Variants in DUOX2 observed in about 807,000 individuals in gnomAD.
The protein encoded by DUOX2 is NADH/NADPH thyroid oxidase p138-tox.
DUOX2 carries 185 observed loss-of-function variants against 183.3 expected under a neutral mutation model. That is an observed-to-expected ratio of 1.01 (90% CI 0.90 to 1.14). The LOEUF (loss-of-function observed/expected upper bound fraction) is 1.14. Among genes scored for constraint, DUOX2 ranks in the 50% most tolerant of loss-of-function variants. The pLI is 0.00. For synonymous variants in DUOX2, 788 were observed against 812.4 expected (o/e 0.97, Z 0.51); for missense variants, 1,999 against 2,022.9 (o/e 0.99, Z 0.23).
chr15:45,106,757 C>T (rs1278425741), intron 15 of DUOX2, 75 bp downstream of exon 15: 50 of 1,603,798 alleles, frequency 3.1e-5, no homozygotes, highest in Non-Finnish European at 4.0e-5. Context: ...CAAACGGTAC[C>T]AAATAGCCAG....
intron 17 of DUOX2, 121 bp downstream of exon 17, chr15:45,106,004 G>T: frequency 3.6e-6 from 5 of 1,398,624 alleles, no homozygotes; most frequent in Non-Finnish European, 4.0e-6. Context: ...TCTGAAAGGA[G>T]CCCCTCTCCC....
rs1327682928 is a variant in DUOX2, at chr15:45,101,808, C to T, written c.2836G>A (p.Gly946Ser). ...ACACACTCACCATTTCCACCTCCAC[C>T]TCCACCTTTGACACAGAGCTGCGTG... ...RFTQLCVKGGGGGGNGIRDIF... is the reference protein window; with the variant it reads ...RFTQLCVKGGSGGGNGIRDIF... Residue 946 changes from glycine to serine, a missense_variant, in exon 21 of 34, where the codon GGT (glycine) becomes AGT (serine). Physicochemically the swap from Gly to Ser is moderately conservative, Grantham distance 56. This residue lies in a region of DUOX2 where 1,628 missense variants were observed against 1,608.6 expected (regional missense o/e 1.01). Transcript: ENST00000389039. The T allele has an allele frequency of 2.5e-6, 4 of 1,614,126 alleles. No homozygotes were observed. Among genetic ancestry groups the T allele is most frequent in the Admixed American group, 3.3e-5 (2 of 60,014 alleles).
rs758551466 is a variant in DUOX2, at chr15:45,107,414, C to A, written c.1624G>T (p.Asp542Tyr). Residue 542 changes from aspartate (D) to tyrosine (Y), a missense_variant, in exon 14 of 34, where the codon GAC (aspartate) becomes TAC (tyrosine). Asp to Tyr is a radical substitution (Grantham distance 160). This residue lies in a region of DUOX2 where 1,628 missense variants were observed against 1,608.6 expected (regional missense o/e 1.01). Transcript: ENST00000389039. Reference protein sequence around the residue: ...IEDIRNTTLRDVLVAVINIDP... With the variant: ...IEDIRNTTLRYVLVAVINIDP... Reference sequence around the variant, plus strand: ...ATGTTGATAACAGCGACCAGCACGTCCCGCAGGGTGGTATTTCGGATGTCT... The same window carrying A: ...ATGTTGATAACAGCGACCAGCACGTACCGCAGGGTGGTATTTCGGATGTCT... 3.1e-6 allele frequency: 5 copies of A among 1,614,112 alleles called. No homozygotes were observed. In the Middle Eastern group the frequency reaches 6.6e-4, roughly 212 times the overall value.
chr15:45,101,422 C>T, intron 21 of DUOX2, 148 bp from the exon 22 acceptor site: 1 of 763,456 alleles, frequency 1.3e-6, no homozygotes, highest in Non-Finnish European at 2.3e-6. Flanking sequence ...TAAGCACTCA[C>T]TGTACACAGG....
At chr15:45,100,441 C>A (rs1772789500) in intron 23 of DUOX2, 4 of 611,034 alleles carry the variant, frequency 6.5e-6, no homozygotes, top group Admixed American at 5.9e-5. Flanking sequence ...TGCTACTCCC[C>A]CTCCTCCTGT....
chr15:45,094,526 A>C (rs763478898), intron 33 of DUOX2, 37 bp downstream of exon 33: 6 of 1,593,744 alleles, frequency 3.8e-6, no homozygotes. Flanking sequence ...TGGCAGGAGA[A>C]GGCCAGAGTC....
intron 29 of DUOX2, 102 bp downstream of exon 29, chr15:45,097,136 G>T: frequency 6.4e-7 from 1 of 1,551,038 alleles, no homozygotes; most frequent in Non-Finnish European, 8.8e-7. Flanking sequence ...TGGAGACAGA[G>T]TCAGAGGCAG....
At chr15:45,104,813 A>G (rs1182458835) in intron 18 of DUOX2, among the ~76,000 whole-genome samples, 2 of 151,984 alleles carry the variant, frequency 1.3e-5, no homozygotes, top group Admixed American at 6.6e-5. Context: ...TGTAACAACC[A>G]TTTATTGTTT....
chr15:45,109,106 T>A, intron 11 of DUOX2, 154 bp from the exon 12 acceptor site: 1 of 990,888 alleles, frequency 1.0e-6, no homozygotes, highest in Non-Finnish European at 1.5e-6. Context: ...CTTGCCTTGC[T>A]GCAAGGCCAA....
intron 11 of DUOX2, 166 bp from the exon 12 acceptor site, chr15:45,109,118 G>A (rs1402293557): frequency 1.2e-6 from 1 of 856,672 alleles, no homozygotes; most frequent in South Asian, 1.5e-5. Context: ...CAAGGCCAAT[G>A]TCACCATGGG....
In DUOX2 at chr15:45,100,810, C is replaced by G. The variant is rs138358075; in HGVS notation, c.2950G>C (p.Ala984Pro). The change falls in exon 23 of 34, where the codon GCC becomes CCC. Residue 984 changes from alanine to proline, a missense_variant. Ala to Pro is a conservative substitution (Grantham distance 27). Transcript: ENST00000389039. ...CCTCCCAGCTCTGGGGCTTCTGGGG[C>G]AGGGGGCCCCAGTCCCTGGGGGTGG... ...RSHPQGLGPP[A>P]PEAPELGGPG... 5 of 1,613,932 alleles carry G rather than the reference C, an allele frequency of 3.1e-6. No homozygotes were observed. In the East Asian group the frequency reaches 1.1e-4, roughly 36 times the overall value.
Position 45,095,557 on chromosome 15 carries a change from C to T in DUOX2, c.4119G>A (p.Glu1373=). 6.2e-7 allele frequency: 1 copy of T among 1,614,238 alleles called. No homozygotes were observed. The highest frequency in any genetic ancestry group is 1.1e-5 in the South Asian group (1 of 91,076). ...ACACTGACACCTCAAATTTATGCCACTCCTGATGGCCCTCTCCAAACGGTC... is the reference window on the plus strand; with the variant it reads ...ACACTGACACCTCAAATTTATGCCATTCCTGATGGCCCTCTCCAAACGGTC... ...LDGPFGEGHQ[E]WHKFEVSVLV... The change falls in exon 31 of 34, where the codon GAG becomes GAA. Residue 1373 remains glutamate, a synonymous_variant. Transcript: ENST00000389039.
chr15:45,103,006 AAAG>A (rs1566974206), intron 20 of DUOX2, among the ~76,000 whole-genome samples: 1 of 152,028 alleles, frequency 6.6e-6, no homozygotes, highest in East Asian at 1.9e-4. Flanking sequence ...CAAACCAAAA[AAAG>A]AAGGTGGGAA....
intron 20 of DUOX2, among the ~76,000 whole-genome samples, chr15:45,103,043 C>T (rs1595523110): frequency 6.6e-6 from 1 of 152,156 alleles, no homozygotes; most frequent in South Asian, 2.1e-4. Flanking sequence ...GGCAGGGACC[C>T]TCTCCTAGAT....
chr15:45,113,517 T>A, intron 1 of DUOX2, 92 bp from the exon 2 acceptor site: 1 of 1,008,296 alleles, frequency 9.9e-7, no homozygotes, highest in African/African-American at 1.6e-5. Flanking sequence ...CAGCTAGTAC[T>A]GGAGGAGGAG....
chr15:45,100,910 G>T (rs1213335014), intron 22 of DUOX2, 72 bp from the exon 23 acceptor site: 1 of 1,109,426 alleles, frequency 9.0e-7, no homozygotes, highest in South Asian at 1.3e-5. Flanking sequence ...GGCAGAGCAT[G>T]GGGTAGAGGT....
intron 1 of DUOX2, 67 bp from the exon 2 acceptor site, chr15:45,113,492 C>G (rs1894511285): frequency 3.2e-6 from 4 of 1,262,902 alleles, no homozygotes; most frequent in Non-Finnish European, 4.5e-6. Flanking sequence ...CTCTATGCCT[C>G]CCCTCTTGTT....
In DUOX2 at chr15:45,099,308, C is replaced by T. The variant is rs111988186; in HGVS notation, c.3515+75G>A. ...TACAGGCGTGAGCCACCGCGCCCGG[C>T]CTGCCTATTTCTTTTTCTATTATAC... On this transcript the variant is annotated intron_variant, in intron 26 of 33. Coordinates refer to ENST00000389039, the MANE Select transcript of DUOX2 (RefSeq NM_001363711.2). The T allele has an allele frequency of 3.1e-3, 4,302 of 1,408,594 alleles. 46 individuals are homozygous for T. The highest frequency in any genetic ancestry group is 0.024 in the Admixed American group (1,331 of 56,574). The allele number at this position is 1,408,594 out of a possible 1,614,324, so 87.3% of individuals were successfully genotyped here.
chr15:45,111,794 G>T lies in DUOX2; in HGVS notation c.487C>A (p.Arg163=). 3 of 1,610,574 alleles carry T rather than the reference G, an allele frequency of 1.9e-6. No homozygotes were observed. The highest frequency in any genetic ancestry group is 2.5e-6 in the Non-Finnish European group (3 of 1,178,762). ...QRSRWDPETG[R]SPSNPRDLAN... ...AGGTCCCGGGGGTTGCTGGGACTCC[G>T]TCCGGTCTCGGGGTCCCAGCGGCTC... Residue 163 remains arginine, a synonymous_variant, in exon 5 of 34, where the codon CGG becomes AGG. Coordinates refer to ENST00000389039, the MANE Select transcript of DUOX2 (RefSeq NM_001363711.2).
Sources: allele counts gnomAD v4.1 joint callset (sites outside exome capture counted in the v4.1 genomes callset), GRCh38; gene constraint gnomAD v4.1.1; regional missense constraint gnomAD v4.1.1; transcripts MANE v1.5; gene names NCBI Gene and HGNC (gene_info 2026-07-23, HGNC 2026-07-21).